The following AKAP7 variants were observed in gnomAD, a reference collection of about 807,000 sequenced individuals.
AKAP7 encodes the protein A kinase (PRKA) anchor protein 7.
AKAP7 carries 39 observed loss-of-function variants against 39.5 expected under a neutral mutation model. That is an observed-to-expected ratio of 0.99 (90% CI 0.76 to 1.29). The LOEUF is 1.29. AKAP7 is among the 50% of genes most tolerant of loss of function. The pLI, the probability that AKAP7 is intolerant of heterozygous loss-of-function variation, is 0.00. For synonymous variants in AKAP7, 140 were observed against 139.1 expected (o/e 1.01, Z -0.05); for missense variants, 414 against 407.7 (o/e 1.02, Z -0.13).
At chr6:131,236,210 G>T (rs1246234028) in intron 7 of AKAP7, among the ~76,000 whole-genome samples, 1 of 152,092 alleles carries the variant, frequency 6.6e-6, no homozygotes, top group African/African-American at 2.4e-5. Flanking sequence ...AGATCAGATA[G>T]TTGTAGATAT....
At chr6:131,200,763 T>G (rs1034585882) in intron 6 of AKAP7, 2 of 152,174 alleles carry the variant, frequency 1.3e-5, no homozygotes, top group Non-Finnish European at 2.9e-5. Flanking sequence ...AATGATAGAT[T>G]TTGAAATATG....
chr6:131,279,032 C>T (rs1204405359), intron 7 of AKAP7, among the ~76,000 whole-genome samples: 4 of 151,634 alleles, frequency 2.6e-5, no homozygotes, highest in African/African-American at 7.3e-5. Context: ...GGCAGACAGA[C>T]GTTTCTCTGT....
At chr6:131,125,686 C>T in the AKAP7 span, among the ~76,000 whole-genome samples, 1 of 152,114 alleles carries the variant, frequency 6.6e-6, no homozygotes, top group Non-Finnish European at 1.5e-5. Context: ...ATATATGGAA[C>T]CCTTTGTTCA....
chr6:131,168,349 C>A (rs1460542985), intron 4 of AKAP7, among the ~76,000 whole-genome samples: 2 of 151,778 alleles, frequency 1.3e-5, no homozygotes, highest in African/African-American at 4.8e-5. Context: ...GAGGTCAAGG[C>A]TTCAGTCAGC....
intron 7 of AKAP7, among the ~76,000 whole-genome samples, chr6:131,280,276 TC>T (rs1815097681): frequency 6.6e-6 from 1 of 152,126 alleles, no homozygotes; most frequent in African/African-American, 2.4e-5. Context: ...TATTAGTGTT[TC>T]TAGATGGGTC....
chr6:131,153,280 C>G (rs911195812), intron 2 of AKAP7, among the ~76,000 whole-genome samples: 3 of 152,134 alleles, frequency 2.0e-5, no homozygotes, highest in South Asian at 2.1e-4. Flanking sequence ...TTTTCCCCAT[C>G]TGTCATTAGG....
At chr6:131,262,278 C>T (rs758371534) in intron 7 of AKAP7, among the ~76,000 whole-genome samples, 5 of 152,140 alleles carry the variant, frequency 3.3e-5, no homozygotes, top group Non-Finnish European at 7.3e-5. Flanking sequence ...CTCTGCCTCC[C>T]CCTCTTGGCA....
At chr6:131,206,971 G>A (rs569010607) in intron 6 of AKAP7, among the ~76,000 whole-genome samples, 1 of 152,294 alleles carries the variant, frequency 6.6e-6, no homozygotes, top group East Asian at 1.9e-4. Flanking sequence ...ATTTAAAGGA[G>A]CATGAGCTTT....
intron 5 of AKAP7, among the ~76,000 whole-genome samples, chr6:131,191,921 C>T (rs537376642): frequency 1.2e-4 from 18 of 150,120 alleles, no homozygotes; most frequent in Admixed American, 2.0e-4. Flanking sequence ...GCTACAGGTG[C>T]GCACCACCAT....
intron 7 of AKAP7, among the ~76,000 whole-genome samples, chr6:131,225,168 T>G (rs1810058447): frequency 6.6e-6 from 1 of 152,196 alleles, no homozygotes; most frequent in African/African-American, 2.4e-5. Context: ...GTTCTTTTCA[T>G]ATTTAAAAAA....
chr6:131,185,812 A>C (rs539280010), intron 5 of AKAP7, among the ~76,000 whole-genome samples: 1 of 152,276 alleles, frequency 6.6e-6, no homozygotes, highest in East Asian at 1.9e-4. Context: ...CAAAAGTTTT[A>C]AATTTTTATG....
chr6:131,279,786 G>A (rs993347856), intron 7 of AKAP7, among the ~76,000 whole-genome samples: 1 of 152,130 alleles, frequency 6.6e-6, no homozygotes, highest in African/African-American at 2.4e-5. Flanking sequence ...TTGATACAGA[G>A]CACAAGTAGG....
intron 7 of AKAP7, among the ~76,000 whole-genome samples, chr6:131,257,009 C>A (rs1812922639): frequency 6.6e-6 from 1 of 152,056 alleles, no homozygotes; most frequent in Admixed American, 6.5e-5. Context: ...GCTCTAGAGA[C>A]AAAATGGCTC....
rs116648404 is a variant in AKAP7 at position 131,260,488 on chromosome 6, C to T, written c.851-21042C>T. Among the ~76,000 whole-genome samples, 146 of 152,222 alleles carry T rather than the reference C, an allele frequency of 9.6e-4. 3 individuals carry two copies. Among genetic ancestry groups the T allele is most frequent in the African/African-American group, 3.5e-3 (144 of 41,548 alleles). ...TGTTATTTCTTGACATTTTAATAAT[C>T]GCCATTCTAACTGGTATTAGATGGT... On this transcript the variant is annotated intron_variant, in intron 7 of 7. Coordinates refer to ENST00000431975, the MANE Select transcript of AKAP7 (RefSeq NM_016377.4).
chr6:131,162,999 G>A (rs186665982), intron 3 of AKAP7, among the ~76,000 whole-genome samples: 4 of 140,876 alleles, frequency 2.8e-5, no homozygotes, highest in Admixed American at 2.2e-4. Flanking sequence ...ACGCTCTTTC[G>A]CTCTCGCTCT....
chr6:131,257,843 T>C (rs1812990925), intron 7 of AKAP7, among the ~76,000 whole-genome samples: 2 of 152,154 alleles, frequency 1.3e-5, no homozygotes, highest in African/African-American at 4.8e-5. Context: ...CTGCACTACA[T>C]GAAGCAGTAA....
intron 7 of AKAP7, among the ~76,000 whole-genome samples, chr6:131,241,366 A>G (rs1020599178): frequency 6.6e-6 from 1 of 151,978 alleles, no homozygotes; most frequent in African/African-American, 2.4e-5. Flanking sequence ...GATTTTGCAA[A>G]ACAGAAGAGA....
chr6:131,151,539 G>T (rs985787622), intron 2 of AKAP7, among the ~76,000 whole-genome samples: 7 of 151,370 alleles, frequency 4.6e-5, no homozygotes, highest in Non-Finnish European at 1.0e-4. Context: ...GAGGTGAGGG[G>T]TTTGAGACCA....
intron 4 of AKAP7, 112 bp downstream of exon 4, chr6:131,165,329 A>G: frequency 8.7e-6 from 6 of 686,214 alleles, no homozygotes; most frequent in Non-Finnish European, 1.4e-5. Context: ...GTCTCTATAC[A>G]ATTTATTCCA....
Sources: gnomAD v4.1 joint callset for allele counts (sites outside exome capture counted in the v4.1 genomes callset) on GRCh38, gnomAD v4.1.1 for gene constraint, MANE v1.5 for transcripts, NCBI Gene and HGNC (gene_info 2026-07-23, HGNC 2026-07-21) for gene names.